COL25A1: variants seen among roughly 807,000 people sequenced by gnomAD.
The protein encoded by COL25A1 is collagen type XXV alpha 1 chain.
COL25A1 carries 103 observed loss-of-function variants against 128.4 expected under a neutral mutation model. The ratio of observed to expected loss-of-function variants is 0.80; its 90% CI spans 0.68 to 0.94. The LOEUF is 0.94. COL25A1 is among the 40% of genes least tolerant of loss of function. The pLI is 0.00. For missense variants in COL25A1, 745 were observed against 840.0 expected, an observed-to-expected ratio of 0.89 and a Z score of 1.40; for synonymous variants, 279 against 277.2, an observed-to-expected ratio of 1.01 and a Z score of -0.06.
intron 3 of COL25A1, among the ~76,000 whole-genome samples, chr4:109,164,616 T>C (rs1772895913): frequency 1.3e-5 from 2 of 152,200 alleles, no homozygotes; most frequent in South Asian, 4.1e-4. Context: ...ATTTAATCAT[T>C]TACTTGATAA....
At chr4:108,994,036 T>C (rs199782735) in intron 6 of COL25A1, among the ~76,000 whole-genome samples, 18 of 152,054 alleles carry the variant, frequency 1.2e-4, no homozygotes, top group African/African-American at 3.9e-4. Flanking sequence ...CCCAGCAAGA[T>C]TGACACAGAA....
chr4:108,962,964 T>G (rs947001369), intron 8 of COL25A1, among the ~76,000 whole-genome samples: 4 of 152,204 alleles, frequency 2.6e-5, no homozygotes, highest in African/African-American at 9.7e-5. Context: ...GTTTGCCAAT[T>G]GTGATTTACA....
chr4:108,943,435 A>C (rs1748372336), intron 8 of COL25A1, among the ~76,000 whole-genome samples: 2 of 152,172 alleles, frequency 1.3e-5, no homozygotes, highest in Admixed American at 1.3e-4. Context: ...CCCACATATC[A>C]AAATTTCTCT....
chr4:109,100,346 A>G (rs1435896705), intron 3 of COL25A1, among the ~76,000 whole-genome samples: 1 of 152,160 alleles, frequency 6.6e-6, no homozygotes, highest in Non-Finnish European at 1.5e-5. Context: ...TTTTCAAAAT[A>G]CTTTTAAATA....
intron 6 of COL25A1, among the ~76,000 whole-genome samples, chr4:108,989,946 C>CT (rs1754009414): frequency 6.6e-6 from 1 of 151,938 alleles, no homozygotes; most frequent in Non-Finnish European, 1.5e-5. Context: ...GGCGCAGTGG[C>CT]TTACTCCCGT....
chr4:108,939,881 C>A (rs943166605), intron 10 of COL25A1, among the ~76,000 whole-genome samples: 1 of 152,082 alleles, frequency 6.6e-6, no homozygotes, highest in African/African-American at 2.4e-5. Flanking sequence ...GACACTTGAC[C>A]AATCTTAGTA....
chr4:109,225,996 T>TACACACAC (rs10642927), intron 3 of COL25A1, among the ~76,000 whole-genome samples: 54 of 147,062 alleles, frequency 3.7e-4, no homozygotes, highest in South Asian at 1.3e-3. Context: ...GTATTTGTAA[T>TACACACAC]ACACACACAC....
Position 108,818,457 on chromosome 4 carries a change from T to A in COL25A1, c.1923+795A>T, listed in dbSNP as rs149824527. 4.7e-4 allele frequency among the ~76,000 whole-genome samples: 71 copies of A among 152,272 alleles called. No homozygotes were observed. The East Asian group carries it at 0.014, about 29-fold the overall frequency. On this transcript the variant is annotated intron_variant, in intron 36 of 37. Transcript: ENST00000399132. Reference sequence around the variant, plus strand: ...CAGAAAATATGAATATACTTTCATTTTAAATGTAAAAAAAGAACACTTTTA... The same window carrying A: ...CAGAAAATATGAATATACTTTCATTATAAATGTAAAAAAAGAACACTTTTA...
chr4:108,940,208 C>T (rs1747916340), intron 10 of COL25A1, among the ~76,000 whole-genome samples: 1 of 152,136 alleles, frequency 6.6e-6, no homozygotes, highest in Non-Finnish European at 1.5e-5. Context: ...GAGGATACAC[C>T]TGGGAATGGG....
At chr4:109,129,246 C>T (rs1318948709) in intron 3 of COL25A1, among the ~76,000 whole-genome samples, 1 of 152,014 alleles carries the variant, frequency 6.6e-6, no homozygotes, top group Non-Finnish European at 1.5e-5. Context: ...TCTCCTGCCT[C>T]AGCCTCCCGA....
Position 108,846,136 on chromosome 4 carries a change from T to C in COL25A1, c.1515+3A>G, listed in dbSNP as rs764929752. ...TATAAACAAACAGAAAGTATAAACA[T>C]ACCGGTAATCCAGGAAGTCCAATTC... On this transcript the variant is annotated splice_donor_region_variant and intron_variant, in intron 28 of 37. Coordinates refer to ENST00000399132, the MANE Select transcript of COL25A1 (RefSeq NM_198721.4). 2 of 1,584,896 alleles carry C rather than the reference T, an allele frequency of 1.3e-6. No individual in the cohort carries two copies. The highest frequency in any genetic ancestry group is 1.7e-5 in the Admixed American group (1 of 59,978).
chr4:108,891,266 T>C lies in COL25A1; in HGVS notation c.907-1533A>G, dbSNP rs1741463441. ...CAAATTAGCTTGTTAAGTAAACCGA[T>C]AGTTATGTGAGTTTCTTTGACATCT... On this transcript the variant is annotated intron_variant, in intron 16 of 37. Transcript: ENST00000399132. Among the ~76,000 whole-genome samples the C allele has an allele frequency of 2.0e-5, 3 of 152,202 alleles. No individual in the cohort carries two copies. In the South Asian group the frequency reaches 6.2e-4, roughly 32 times the overall value.
intron 30 of COL25A1, 58 bp from the exon 31 acceptor site, chr4:108,841,779 G>A: frequency 5.3e-6 from 7 of 1,313,392 alleles, no homozygotes; most frequent in Non-Finnish European, 7.7e-6. Flanking sequence ...CCCAGCAAGA[G>A]TGAATATTAT....
chr4:109,256,085 GGTGTGTGTGTGTGT>G (rs60794002), intron 3 of COL25A1, among the ~76,000 whole-genome samples: 4 of 143,354 alleles, frequency 2.8e-5, no homozygotes, highest in South Asian at 2.2e-4. Context: ...TTTAAGCATT[GGTGTGTGTGTGTGT>G]GTGTGTGTGT....
At chr4:109,215,862 T>A (rs895818064) in intron 3 of COL25A1, among the ~76,000 whole-genome samples, 1 of 152,126 alleles carries the variant, frequency 6.6e-6, no homozygotes, top group Non-Finnish European at 1.5e-5. Flanking sequence ...CATTCTAAAA[T>A]CAAATCTATA....
intron 3 of COL25A1, among the ~76,000 whole-genome samples, chr4:109,219,983 T>C (rs1328380418): frequency 9.9e-5 from 15 of 152,206 alleles, no homozygotes; most frequent in Admixed American, 9.8e-4. Flanking sequence ...AAAACCTATA[T>C]GTATTACTTG....
intron 3 of COL25A1, among the ~76,000 whole-genome samples, chr4:109,144,027 G>A (rs1323486843): frequency 6.6e-6 from 1 of 152,134 alleles, no homozygotes. Context: ...CATCTTCGTG[G>A]ATTTATCTAC....
At chr4:109,200,387 T>C (rs139821878) in intron 3 of COL25A1, among the ~76,000 whole-genome samples, 4 of 152,304 alleles carry the variant, frequency 2.6e-5, no homozygotes, top group African/African-American at 4.8e-5. Context: ...ACCAAATCCA[T>C]GGCTCTTTGC....
chr4:108,817,938 A>AAC (rs2125705886), intron 36 of COL25A1, among the ~76,000 whole-genome samples: 1 of 152,314 alleles, frequency 6.6e-6, no homozygotes, highest in East Asian at 1.9e-4. Flanking sequence ...ATTGAAAGTA[A>AAC]ATACAGTAGA....
Sources: gnomAD v4.1 joint callset for allele counts (sites outside exome capture counted in the v4.1 genomes callset) on GRCh38, gnomAD v4.1.1 for gene constraint, MANE v1.5 for transcripts, NCBI Gene and HGNC (gene_info 2026-07-23, HGNC 2026-07-21) for gene names.